The following F11R variants were observed in gnomAD, a reference collection of about 807,000 sequenced individuals.
The protein encoded by F11R is F11 receptor, also known as junctional adhesion molecule A.
In F11R, 27 loss-of-function variants were observed where a neutral mutation model predicts 39.3. The observed-to-expected ratio is 0.69, with a 90% CI of 0.51 to 0.95. F11R has a LOEUF of 0.95. Ranked by LOEUF, F11R falls within the 40% of genes least tolerant of loss-of-function variation. F11R has a pLI of 0.00. For missense variants in F11R, 335 were observed against 372.7 expected (o/e 0.90, Z 0.83); for synonymous variants, 131 against 144.9 (o/e 0.90, Z 0.69).
chr1:160,999,623 T>A lies in F11R; in HGVS notation c.802+17A>T. On this transcript the variant is annotated intron_variant, in intron 7 of 9. Transcript: ENST00000368026. ...TGGGGGCAGTACAAAGGAGAGCCTC[T>A]GGGGGCAGATACTTACTGTCAAAGT... is the stretch of plus-strand genomic sequence containing the variant. 6.2e-7 allele frequency: 1 copy of A among 1,608,916 alleles called. No homozygotes were observed. The highest frequency in any genetic ancestry group is 2.2e-5 in the East Asian group (1 of 44,864).
chr1:161,010,542 A>G (rs909803533), intron 1 of F11R, among the ~76,000 whole-genome samples: 5 of 151,914 alleles, frequency 3.3e-5, no homozygotes, highest in African/African-American at 1.2e-4. Flanking sequence ...CTATTATGCT[A>G]TATGTAGCTT....
chr1:161,014,549 A>T (rs931320645), intron 1 of F11R, among the ~76,000 whole-genome samples: 1 of 152,186 alleles, frequency 6.6e-6, no homozygotes, highest in Non-Finnish European at 1.5e-5. Context: ...CTAAAAAAAT[A>T]AAAAATTAGC....
At chr1:161,004,059 C>T (rs183304054) in intron 1 of F11R, among the ~76,000 whole-genome samples, 116 of 152,154 alleles carry the variant, frequency 7.6e-4, no homozygotes, top group African/African-American at 2.5e-3. Context: ...CCACCGCGCC[C>T]GGCAATTTTT....
chr1:161,005,939 A>G (rs1648778711), intron 1 of F11R, among the ~76,000 whole-genome samples: 1 of 151,842 alleles, frequency 6.6e-6, no homozygotes, highest in Non-Finnish European at 1.5e-5. Flanking sequence ...AGGAGTTTGA[A>G]ACCAGCCTGG....
At chr1:161,018,518 T>TA (rs1649583573) in intron 1 of F11R, among the ~76,000 whole-genome samples, 1 of 152,206 alleles carries the variant, frequency 6.6e-6, no homozygotes, top group Non-Finnish European at 1.5e-5. Flanking sequence ...CCACAGGGGA[T>TA]AACAGCTGCC....
rs753239649 is a variant in F11R at position 160,995,848 on chromosome 1, T to C, written c.*3023A>G. The C allele has an allele frequency of 8.6e-5, 13 of 152,038 alleles. No homozygotes were observed. Among genetic ancestry groups the C allele is most frequent in the African/African-American group, 1.7e-4 (7 of 41,344 alleles). The allele number at this position is 152,038 out of a possible 1,614,324, so 9.4% of individuals were successfully genotyped here. ...TGCATATCAAACCATGTTGTATACT[T>C]TGAAGAAAATAAAAAAACGACAGGA... On this transcript the variant is annotated 3_prime_UTR_variant, in exon 10 of 10. Coordinates refer to ENST00000368026, the MANE Select transcript of F11R (RefSeq NM_016946.6).
rs141888080 is a variant in F11R, at chr1:161,016,089, G to A, written c.64+4921C>T. Among the ~76,000 whole-genome samples, 511 of 152,258 alleles carry A rather than the reference G, an allele frequency of 3.4e-3. 3 individuals carry two copies. The highest frequency in any genetic ancestry group is 0.012 in the African/African-American group (482 of 41,540). On this transcript the variant is annotated intron_variant, in intron 1 of 9. Transcript: ENST00000368026. ...GCAGGGGTTCACGCCTGTAATCCCA[G>A]CACTTTGGAAAGCCTAGGCAAGAGG...
At chr1:161,017,272 G>A (rs1359946998) in intron 1 of F11R, among the ~76,000 whole-genome samples, 1 of 152,190 alleles carries the variant, frequency 6.6e-6, no homozygotes, top group Non-Finnish European at 1.5e-5. Context: ...CTGTGCTGAG[G>A]AGGATTAGTA....
At chr1:161,001,388 G>C in intron 1 of F11R, 35 bp from the exon 2 acceptor site, 1 of 1,584,784 alleles carries the variant, frequency 6.3e-7, no homozygotes, top group Non-Finnish European at 8.7e-7. Flanking sequence ...CCTGTCAGGA[G>C]TGGACAGAGA....
intron 1 of F11R, among the ~76,000 whole-genome samples, chr1:161,019,336 C>A (rs1242302282): frequency 2.0e-5 from 3 of 152,088 alleles, no homozygotes; most frequent in South Asian, 2.1e-4. Flanking sequence ...TGGCTCACAC[C>A]TGTAATCCCA....
In F11R at chr1:160,995,859, A is replaced by T. The variant is rs902664744; in HGVS notation, c.*3012T>A. The T allele has an allele frequency of 2.0e-5, 3 of 152,172 alleles. No individual in the cohort carries two copies. The highest frequency in any genetic ancestry group is 4.4e-5 in the Non-Finnish European group (3 of 68,000). The allele number at this position is 152,172 out of a possible 1,614,324, so 9.4% of individuals were successfully genotyped here. On this transcript the variant is annotated 3_prime_UTR_variant, in exon 10 of 10. Transcript: ENST00000368026. Reference sequence around the variant, plus strand: ...CCATGTTGTATACTTTGAAGAAAATAAAAAAACGACAGGAACAACAAACAC... The same window carrying T: ...CCATGTTGTATACTTTGAAGAAAATTAAAAAACGACAGGAACAACAAACAC...
At chr1:161,004,888 C>T (rs1325735816) in intron 1 of F11R, among the ~76,000 whole-genome samples, 8 of 151,988 alleles carry the variant, frequency 5.3e-5, no homozygotes, top group African/African-American at 1.9e-4. Context: ...AGGCTGAGCA[C>T]GGTAGCTCAC....
chr1:160,999,717 G>A lies in F11R; in HGVS notation c.725C>T (p.Ala242Val), dbSNP rs1484944748. The change falls in exon 7 of 10, where the codon GCC (alanine) becomes GTC (valine). Residue 242 changes from alanine to valine, a missense_variant. Coordinates refer to ENST00000368026, the MANE Select transcript of F11R (RefSeq NM_016946.6). ...CAGGAGAATCAGGGTTACAAGGACG[G>A]CTGCCACGATGACCCCCACATTCCG... ...VERNVGVIVA[A>V]VLVTLILLGI... 2 of 1,614,054 alleles carry A rather than the reference G, an allele frequency of 1.2e-6. No individual in the cohort carries two copies. The highest frequency in any genetic ancestry group is 1.7e-6 in the Non-Finnish European group (2 of 1,180,032).
chr1:161,010,058 T>A (rs77379524), intron 1 of F11R, among the ~76,000 whole-genome samples: 3 of 145,316 alleles, frequency 2.1e-5, no homozygotes, highest in Non-Finnish European at 1.5e-5. Context: ...ACTAAACTCT[T>A]AAAAAAAAAA....
chr1:161,001,953 G>A (rs1053042242), intron 1 of F11R, among the ~76,000 whole-genome samples: 5 of 152,144 alleles, frequency 3.3e-5, no homozygotes, highest in Non-Finnish European at 7.3e-5. Context: ...GAGAGTACAA[G>A]AAGTAAATGT....
chr1:161,011,536 C>T (rs1380354631), intron 1 of F11R, among the ~76,000 whole-genome samples: 1 of 151,942 alleles, frequency 6.6e-6, no homozygotes, highest in Non-Finnish European at 1.5e-5. Flanking sequence ...CAGGACCAGC[C>T]TGGCCAAGAT....
intron 1 of F11R, among the ~76,000 whole-genome samples, chr1:161,013,247 A>C (rs1467557031): frequency 6.6e-6 from 1 of 151,962 alleles, no homozygotes; most frequent in Admixed American, 6.6e-5. Flanking sequence ...GGCATATGAG[A>C]CTCACAAGAC....
chr1:161,005,289 C>T (rs1648737904), intron 1 of F11R, among the ~76,000 whole-genome samples: 2 of 151,652 alleles, frequency 1.3e-5, no homozygotes, highest in Admixed American at 6.6e-5. Context: ...CCTCCTTCCT[C>T]CTTCCCCTCC....
At chr1:161,011,721 T>G (rs1348843359) in intron 1 of F11R, among the ~76,000 whole-genome samples, 1 of 143,926 alleles carries the variant, frequency 6.9e-6, no homozygotes, top group African/African-American at 2.5e-5. Flanking sequence ...CAGAGCGAGA[T>G]TCCACCTCAA....
Sources: gnomAD v4.1 joint callset for allele counts (sites outside exome capture counted in the v4.1 genomes callset) on GRCh38, gnomAD v4.1.1 for gene constraint, MANE v1.5 for transcripts, NCBI Gene and HGNC (gene_info 2026-07-23, HGNC 2026-07-21) for gene names.